Variants in KLHL32 observed in about 807,000 individuals in gnomAD.
The protein encoded by KLHL32 is kelch like family member 32.
In KLHL32, 35 loss-of-function variants were observed where a neutral mutation model predicts 64.8. That is an observed-to-expected ratio of 0.54 (90% CI 0.41 to 0.72). KLHL32 has a LOEUF of 0.72. KLHL32 is among the 30% of genes least tolerant of loss of function. The pLI is 0.00. For missense variants in KLHL32, 589 were observed against 768.5 expected, an observed-to-expected ratio of 0.77 and a Z score of 2.76; for synonymous variants, 259 against 281.0, an observed-to-expected ratio of 0.92 and a Z score of 0.78.
At chr6:96,974,082 A>C (rs527550555) in intron 2 of KLHL32, among the ~76,000 whole-genome samples, 3 of 152,046 alleles carry the variant, frequency 2.0e-5, no homozygotes, top group Admixed American at 6.6e-5. Flanking sequence ...TCTTGGTGAT[A>C]GGTTCTCAAA....
chr6:97,102,373 T>G (rs1269159351), intron 6 of KLHL32, among the ~76,000 whole-genome samples: 1 of 152,196 alleles, frequency 6.6e-6, no homozygotes, highest in Non-Finnish European at 1.5e-5. Flanking sequence ...CTATTGCCAA[T>G]GTGATACAGA....
chr6:97,003,417 A>G (rs1441271708), intron 3 of KLHL32, among the ~76,000 whole-genome samples: 2 of 152,050 alleles, frequency 1.3e-5, no homozygotes, highest in African/African-American at 4.8e-5. Context: ...TATATAGTTT[A>G]TAAAAATTTT....
chr6:97,029,538 T>A (rs1218076519), intron 3 of KLHL32, among the ~76,000 whole-genome samples: 1 of 152,214 alleles, frequency 6.6e-6, no homozygotes, highest in East Asian at 1.9e-4. Flanking sequence ...ATTATTATAC[T>A]ATGGGAGGAA....
At chr6:97,009,855 T>C (rs1023468215) in intron 3 of KLHL32, among the ~76,000 whole-genome samples, 1 of 152,078 alleles carries the variant, frequency 6.6e-6, no homozygotes, top group South Asian at 2.1e-4. Flanking sequence ...TTATATGTTT[T>C]TGAGACACTA....
intron 1 of KLHL32, among the ~76,000 whole-genome samples, chr6:96,959,200 G>A (rs961522056): frequency 3.3e-5 from 5 of 152,266 alleles, no homozygotes; most frequent in East Asian, 1.9e-4. Flanking sequence ...GGCCTCCAAC[G>A]TCATGGATTC....
At chr6:97,030,070 T>G (rs1389129199) in intron 3 of KLHL32, among the ~76,000 whole-genome samples, 1 of 152,218 alleles carries the variant, frequency 6.6e-6, no homozygotes, top group Non-Finnish European at 1.5e-5. Context: ...TCCAAACAAT[T>G]CAGTTATTTC....
chr6:97,001,470 TTTTG>T (rs991132457), intron 3 of KLHL32, among the ~76,000 whole-genome samples: 4 of 152,150 alleles, frequency 2.6e-5, no homozygotes, highest in South Asian at 2.1e-4. Context: ...TGGTTTGTTT[TTTTG>T]TTTGTTTGTT....
chr6:97,044,518 A>G lies in KLHL32; in HGVS notation c.312+2919A>G, dbSNP rs142185739. ...TTGGTATCAGAATAATGCTAGTCTC[A>G]TAAAATGAATTTGAAAGTATTCCTT... is the stretch of plus-strand genomic sequence containing the variant. On this transcript the variant is annotated intron_variant, in intron 4 of 10. Coordinates refer to ENST00000369261, the MANE Select transcript of KLHL32 (RefSeq NM_052904.4). Among the ~76,000 whole-genome samples, 8 of 152,254 alleles carry G rather than the reference A, an allele frequency of 5.3e-5. No individual in the cohort carries two copies. In the East Asian group the frequency reaches 1.5e-3, roughly 29 times the overall value.
At chr6:97,103,297 T>G (rs1393401630) in intron 6 of KLHL32, among the ~76,000 whole-genome samples, 1 of 150,150 alleles carries the variant, frequency 6.7e-6, no homozygotes, top group Admixed American at 6.7e-5. Flanking sequence ...CACTGCAAGC[T>G]CCGCTTCCCA....
At chr6:96,904,339 C>CAAAAAAAAAA in the KLHL32 span, among the ~76,000 whole-genome samples, 12 of 106,030 alleles carry the variant, frequency 1.1e-4, no homozygotes, top group East Asian at 2.7e-4. Context: ...AAGACTTTGT[C>CAAAAAAAAAA]AAAAAAAAAA....
chr6:97,128,490 C>T (rs971388896), intron 8 of KLHL32, among the ~76,000 whole-genome samples: 1 of 152,190 alleles, frequency 6.6e-6, no homozygotes, highest in Non-Finnish European at 1.5e-5. Flanking sequence ...CACACATGCT[C>T]TTTTAAAAAA....
intron 3 of KLHL32, chr6:97,024,871 T>C (rs574461615): frequency 2.4e-5 from 10 of 420,148 alleles, no homozygotes; most frequent in African/African-American, 2.0e-4. Context: ...TATGTATTTG[T>C]TTCAAATATA....
At chr6:97,137,219 GAAT>G (rs1800121399) in intron 10 of KLHL32, among the ~76,000 whole-genome samples, 1 of 152,040 alleles carries the variant, frequency 6.6e-6, no homozygotes, top group Non-Finnish European at 1.5e-5. Flanking sequence ...AAATGAGTAA[GAAT>G]AATCAAGAAA....
chr6:96,908,735 G>T, the KLHL32 span, among the ~76,000 whole-genome samples: 1 of 151,780 alleles, frequency 6.6e-6, no homozygotes, highest in African/African-American at 2.4e-5. Flanking sequence ...TCCACTGTCC[G>T]CACCCCCCTC....
intron 3 of KLHL32, among the ~76,000 whole-genome samples, chr6:97,035,154 G>A (rs1784102064): frequency 6.6e-6 from 1 of 151,788 alleles, no homozygotes; most frequent in African/African-American, 2.4e-5. Flanking sequence ...TTTTTTCTGT[G>A]TGGTTACCTC....
chr6:97,025,776 T>A (rs892321253), intron 3 of KLHL32, among the ~76,000 whole-genome samples: 1 of 152,220 alleles, frequency 6.6e-6, no homozygotes, highest in African/African-American at 2.4e-5. Context: ...AACCGTTTGC[T>A]TAATTTCACT....
intron 2 of KLHL32, among the ~76,000 whole-genome samples, chr6:96,970,711 T>C (rs1775014968): frequency 6.6e-6 from 1 of 152,188 alleles, no homozygotes; most frequent in African/African-American, 2.4e-5. Flanking sequence ...ATAATTAAGT[T>C]CCTTTCTACA....
intron 3 of KLHL32, among the ~76,000 whole-genome samples, chr6:96,985,857 C>A (rs1244383928): frequency 1.3e-5 from 2 of 152,130 alleles, no homozygotes; most frequent in African/African-American, 4.8e-5. Flanking sequence ...TTGTCTGAAG[C>A]CTTCTTGTCT....
At chr6:97,111,031 G>T (rs1737131) in intron 6 of KLHL32, among the ~76,000 whole-genome samples, 5 of 142,434 alleles carry the variant, frequency 3.5e-5, no homozygotes, top group South Asian at 2.1e-4. Context: ...GAAAAGTCTT[G>T]GGGGGGGGGG....
Sources: allele counts gnomAD v4.1 joint callset (sites outside exome capture counted in the v4.1 genomes callset), GRCh38; gene constraint gnomAD v4.1.1; transcripts MANE v1.5; gene names NCBI Gene and HGNC (gene_info 2026-07-23, HGNC 2026-07-21).